The following MAGI1 variants were observed in gnomAD, a reference collection of about 807,000 sequenced individuals.
MAGI1 encodes membrane associated guanylate kinase, WW and PDZ domain containing 1, also known as membrane-associated guanylate kinase, WW and PDZ domain-containing protein 1.
Under a neutral mutation model 139.9 loss-of-function variants are expected in MAGI1, and 58 were observed. That is an observed-to-expected ratio of 0.41 (90% CI 0.34 to 0.52). MAGI1 has a LOEUF of 0.52. Ranked by LOEUF, MAGI1 falls within the 20% of genes least tolerant of loss-of-function variation. The pLI, the probability that MAGI1 is intolerant of heterozygous loss-of-function variation, is 0.12. For missense variants in MAGI1, 1,874 were observed against 1,901.6 expected, an observed-to-expected ratio of 0.99 and a Z score of 0.27; for synonymous variants, 812 against 737.9, an observed-to-expected ratio of 1.10 and a Z score of -1.63.
chr3:65,820,424 C>G (rs759696407), intron 1 of MAGI1, among the ~76,000 whole-genome samples: 1 of 152,106 alleles, frequency 6.6e-6, no homozygotes. Context: ...TCCTCCATGT[C>G]AAGGGGCTGA....
rs747555618 is a variant in MAGI1 at position 65,793,642 on chromosome 3, A to G, written c.314-171554T>C. Among the ~76,000 whole-genome samples, 3 of 152,074 alleles carry G rather than the reference A, an allele frequency of 2.0e-5. No individual in the cohort carries two copies. In the East Asian group the frequency reaches 5.8e-4, roughly 29 times the overall value. ...AAGAATCTGAGTTGAGATACTGATGAAAGCAGCTGCGAAAATGCCTGCAAC... is the reference window on the plus strand; with the variant it reads ...AAGAATCTGAGTTGAGATACTGATGGAAGCAGCTGCGAAAATGCCTGCAAC... On this transcript the variant is annotated intron_variant, in intron 1 of 22. Transcript: ENST00000402939.
chr3:65,592,681 G>A (rs368542798), intron 2 of MAGI1, among the ~76,000 whole-genome samples: 50 of 152,258 alleles, frequency 3.3e-4, no homozygotes, highest in East Asian at 9.7e-4. Context: ...AGGAACACAC[G>A]CACATGCAGT....
chr3:65,694,809 GA>G (rs1453901176), intron 1 of MAGI1, among the ~76,000 whole-genome samples: 1 of 152,190 alleles, frequency 6.6e-6, no homozygotes, highest in Non-Finnish European at 1.5e-5. Context: ...TACAACCAAA[GA>G]CTTCCATAAC....
Position 65,811,370 on chromosome 3 carries a change from TA to T in MAGI1, c.314-189283del, listed in dbSNP as rs1419791415. On this transcript the variant is annotated intron_variant, in intron 1 of 22. Transcript: ENST00000402939. ...TTTTTCTTATTCCATTAGACATTTT[TA>T]GATTCTCAGCCAAGCCCAGAAGCCA... 7.2e-5 allele frequency among the ~76,000 whole-genome samples: 11 copies of T among 152,234 alleles called. 1 individual carries two copies. Among genetic ancestry groups the T allele is most frequent in the Admixed American group, 6.5e-4 (10 of 15,286 alleles).
chr3:66,002,739 C>T (rs2066812054), intron 1 of MAGI1, among the ~76,000 whole-genome samples: 1 of 152,136 alleles, frequency 6.6e-6, no homozygotes, highest in Non-Finnish European at 1.5e-5. Flanking sequence ...TGGTCTCGCA[C>T]TCCTGACCTC....
intron 1 of MAGI1, chr3:65,718,359 G>A (rs1367816380): frequency 6.6e-6 from 1 of 152,078 alleles, no homozygotes; most frequent in Non-Finnish European, 1.5e-5. Flanking sequence ...TTCACAGAAC[G>A]TGTTTCCAGC....
At chr3:65,509,635 C>T (rs1271740930) in intron 2 of MAGI1, among the ~76,000 whole-genome samples, 2 of 152,238 alleles carry the variant, frequency 1.3e-5, no homozygotes, top group African/African-American at 2.4e-5. Context: ...ATATCCCACA[C>T]CTGGCTCAGA....
chr3:65,623,433 G>T (rs2083795461), intron 1 of MAGI1, among the ~76,000 whole-genome samples: 3 of 152,172 alleles, frequency 2.0e-5, no homozygotes, highest in Admixed American at 2.0e-4. Context: ...CAGTCTACAG[G>T]ATCAACAGAA....
chr3:65,531,805 G>A (rs915615393), intron 2 of MAGI1, among the ~76,000 whole-genome samples: 19 of 152,170 alleles, frequency 1.2e-4, no homozygotes, highest in Admixed American at 8.5e-4. Flanking sequence ...TCCATAAAAT[G>A]AGAATAAATA....
intron 1 of MAGI1, among the ~76,000 whole-genome samples, chr3:65,837,837 T>C (rs1007968288): frequency 6.6e-6 from 1 of 152,192 alleles, no homozygotes; most frequent in Non-Finnish European, 1.5e-5. Context: ...TCCTTATTCG[T>C]CTTTAAAGGT....
intron 1 of MAGI1, among the ~76,000 whole-genome samples, chr3:65,758,774 A>T (rs755868523): frequency 6.9e-6 from 1 of 144,606 alleles, no homozygotes; most frequent in Non-Finnish European, 1.6e-5. Context: ...AAATCAATTA[A>T]TAATATTTTT....
At chr3:65,641,404 T>C (rs1023862957) in intron 1 of MAGI1, among the ~76,000 whole-genome samples, 5 of 152,162 alleles carry the variant, frequency 3.3e-5, no homozygotes, top group East Asian at 1.9e-4. Flanking sequence ...TCAGAATCTA[T>C]AGGGAAGGAC....
At chr3:65,868,780 A>G (rs1183787289) in intron 1 of MAGI1, among the ~76,000 whole-genome samples, 4 of 152,166 alleles carry the variant, frequency 2.6e-5, no homozygotes, top group Admixed American at 6.5e-5. Context: ...TTCTTAAACA[A>G]TTGTAGCTAG....
intron 1 of MAGI1, among the ~76,000 whole-genome samples, chr3:65,638,507 G>A (rs1053544312): frequency 6.7e-6 from 1 of 150,072 alleles, no homozygotes; most frequent in Non-Finnish European, 1.5e-5. Flanking sequence ...ATGGCCGAAG[G>A]TGTGCAAGCA....
At chr3:66,008,842 T>C (rs1419826371) in intron 1 of MAGI1, 1 of 152,380 alleles carries the variant, frequency 6.6e-6, no homozygotes, top group Non-Finnish European at 1.5e-5. Context: ...CCATGAGGGC[T>C]CTTGTAGCTC....
At chr3:65,823,122 T>C (rs772931181) in intron 1 of MAGI1, among the ~76,000 whole-genome samples, 2 of 152,228 alleles carry the variant, frequency 1.3e-5, no homozygotes, top group African/African-American at 2.4e-5. Context: ...TAATCACATA[T>C]ATTTAAAATA....
intron 1 of MAGI1, among the ~76,000 whole-genome samples, chr3:65,826,867 G>A (rs1168328119): frequency 6.6e-6 from 1 of 152,074 alleles, no homozygotes; most frequent in Non-Finnish European, 1.5e-5. Context: ...TTACTGAGAG[G>A]AATAAGGAAG....
At chr3:65,410,395 T>A (rs1288714643) in intron 12 of MAGI1, among the ~76,000 whole-genome samples, 2 of 152,206 alleles carry the variant, frequency 1.3e-5, no homozygotes, top group African/African-American at 4.8e-5. Flanking sequence ...ATGGCCAATG[T>A]CACACAGTCA....
intron 3 of MAGI1, among the ~76,000 whole-genome samples, chr3:65,490,649 T>C (rs968314448): frequency 4.6e-5 from 7 of 151,610 alleles, no homozygotes; most frequent in Non-Finnish European, 1.0e-4. Flanking sequence ...ATCGAGACCA[T>C]CCTGGCCAAC....
Sources: allele counts gnomAD v4.1 joint callset (sites outside exome capture counted in the v4.1 genomes callset), GRCh38; gene constraint gnomAD v4.1.1; transcripts MANE v1.5; gene names NCBI Gene and HGNC (gene_info 2026-07-23, HGNC 2026-07-21).